RNF125: variants seen among roughly 807,000 people sequenced by gnomAD.
RNF125 encodes the protein ring finger protein 125.
In RNF125, 21 loss-of-function variants were observed where a neutral mutation model predicts 26.0. The ratio of observed to expected loss-of-function variants is 0.81; its 90% confidence interval spans 0.57 to 1.16. The LOEUF (loss-of-function observed/expected upper bound fraction) is 1.16, where lower values mean the gene tolerates loss of function less well. Among genes scored for constraint, RNF125 ranks in the 50% most tolerant of loss-of-function variants. The pLI, the probability that RNF125 is intolerant of heterozygous loss-of-function variation, is 0.00. For missense variants in RNF125, 270 were observed against 299.4 expected (o/e 0.90, Z 0.72); for synonymous variants, 95 against 109.2 (o/e 0.87, Z 0.81).
At position 32,045,673 on chromosome 18, in the gene RNF125, T is replaced by C. The variant is rs145377749; in HGVS notation, c.445T>C (p.Tyr149His). ...CVCPFCQREL[Y>H]EDSLLDHCIT... ...ATGTCCCTTTTGTCAGAGGGAACTG[T>C]ATGAAGACAGCTTGCTGGATCATTG... Residue 149 changes from tyrosine (Y) to histidine (H), a missense_variant, in exon 4 of 6, where the codon TAT (tyrosine) becomes CAT (histidine). Physicochemically the swap from Tyr to His is moderately conservative, Grantham distance 83. Transcript: ENST00000217740. The C allele has an allele frequency of 6.2e-7, 1 of 1,612,496 alleles. No homozygotes were observed. The highest frequency in any genetic ancestry group is 8.5e-7 in the Non-Finnish European group (1 of 1,179,462).
At chr18:32,086,196 A>G in the RNF125 span, among the ~76,000 whole-genome samples, 1 of 150,458 alleles carries the variant, frequency 6.6e-6, no homozygotes, top group Admixed American at 6.6e-5. Flanking sequence ...ACAAAGAAAC[A>G]TCTAGATGGG....
intron 1 of RNF125, among the ~76,000 whole-genome samples, chr18:32,034,881 A>G (rs2039136850): frequency 6.8e-6 from 1 of 146,912 alleles, no homozygotes; most frequent in Admixed American, 6.9e-5. Flanking sequence ...TACCTGGGCA[A>G]CAGAGCGAAA....
intron 4 of RNF125, among the ~76,000 whole-genome samples, chr18:32,062,092 A>G (rs1286772517): frequency 6.6e-6 from 1 of 152,236 alleles, no homozygotes; most frequent in African/African-American, 2.4e-5. Flanking sequence ...TGAAGACATT[A>G]TCTGTAAATA....
chr18:32,060,241 C>T (rs2039422188), intron 4 of RNF125, among the ~76,000 whole-genome samples: 1 of 152,164 alleles, frequency 6.6e-6, no homozygotes, highest in African/African-American at 2.4e-5. Context: ...TTCTAAGCTG[C>T]CAGGTCACAA....
chr18:32,019,081 G>A, intron 1 of RNF125, 54 bp downstream of exon 1: 1 of 1,587,168 alleles, frequency 6.3e-7, no homozygotes, highest in African/African-American at 1.4e-5. Context: ...GCGATGTGGG[G>A]AAGCTGAGGG....
At chr18:32,021,427 C>T (rs771284666) in intron 1 of RNF125, among the ~76,000 whole-genome samples, 5 of 152,086 alleles carry the variant, frequency 3.3e-5, no homozygotes, top group Middle Eastern at 3.2e-3. Context: ...TCTTAAAACT[C>T]GAGGCTTAAA....
chr18:32,027,149 T>TAAGA (rs2039044519), intron 1 of RNF125, among the ~76,000 whole-genome samples: 1 of 152,216 alleles, frequency 6.6e-6, no homozygotes, highest in African/African-American at 2.4e-5. Flanking sequence ...CCTGGGGTCT[T>TAAGA]GTTCCCTGAA....
chr18:32,089,206 C>G, the RNF125 span, among the ~76,000 whole-genome samples: 6 of 152,156 alleles, frequency 3.9e-5, no homozygotes, highest in African/African-American at 1.4e-4. Flanking sequence ...CAAGAGAACA[C>G]CCAGGACACA....
At chr18:32,054,363 G>A (rs2039359812) in intron 4 of RNF125, among the ~76,000 whole-genome samples, 1 of 152,118 alleles carries the variant, frequency 6.6e-6, no homozygotes, top group African/African-American at 2.4e-5. Flanking sequence ...AAAGTGCCGC[G>A]ATTACCGGCA....
Position 32,071,326 on chromosome 18 carries a change from G to T in RNF125, c.*2942G>T, listed in dbSNP as rs1483458456. ...ATTGTTGTATTTTTAGTAGAGATGGGTTTTGCCATGTTGGCCAGGCTGGTT... is the reference window on the plus strand; with the variant it reads ...ATTGTTGTATTTTTAGTAGAGATGGTTTTTGCCATGTTGGCCAGGCTGGTT... On this transcript the variant is annotated 3_prime_UTR_variant, in exon 6 of 6. Transcript: ENST00000217740. The T allele has an allele frequency of 6.6e-6, 1 of 152,014 alleles. No homozygotes were observed. The highest frequency in any genetic ancestry group is 1.5e-5 in the Non-Finnish European group (1 of 68,104). 9.4% of individuals were successfully genotyped at this position (152,014 alleles called of 1,614,324 possible).
intron 3 of RNF125, among the ~76,000 whole-genome samples, chr18:32,042,600 C>T (rs919881825): frequency 7.2e-5 from 11 of 152,058 alleles, no homozygotes; most frequent in South Asian, 4.1e-4. Context: ...TAATAGATTC[C>T]TGAAGTAGAT....
Position 32,068,590 on chromosome 18 carries a change from C to A in RNF125, c.*206C>A. On this transcript the variant is annotated 3_prime_UTR_variant, in exon 6 of 6. Transcript: ENST00000217740. ...GTTTTACATCCTTGAGATTCTTACA[C>A]ATCTAACAACAAAAAAAATTATCTA... The A allele has an allele frequency of 2.3e-6, 1 of 441,320 alleles. No individual in the cohort carries two copies. Among genetic ancestry groups the A allele is most frequent in the Non-Finnish European group, 4.1e-6 (1 of 244,868 alleles). 27.3% of individuals were successfully genotyped at this position (441,320 alleles called of 1,614,324 possible). A position where few individuals can be genotyped will look rare whatever the true frequency, so the allele number is the denominator to read the frequency against.
At position 32,070,603 on chromosome 18, in the gene RNF125, C is replaced by T. The variant is rs2039525327; in HGVS notation, c.*2219C>T. The T allele has an allele frequency of 1.3e-5, 2 of 152,198 alleles. No homozygotes were observed. The highest frequency in any genetic ancestry group is 4.8e-5 in the African/African-American group (2 of 41,434). 9.4% of individuals were successfully genotyped at this position (152,198 alleles called of 1,614,324 possible). On this transcript the variant is annotated 3_prime_UTR_variant, in exon 6 of 6. Coordinates refer to ENST00000217740, the MANE Select transcript of RNF125 (RefSeq NM_017831.4). ...TTACTCATTTCTTTTATTTATCTTA[C>T]ACTTACAGCTGTCTCAGAATAACAA...
At chr18:32,067,249 T>C (rs1011102927) in intron 5 of RNF125, among the ~76,000 whole-genome samples, 3 of 152,200 alleles carry the variant, frequency 2.0e-5, no homozygotes, top group African/African-American at 7.2e-5. Context: ...CGAGACTCCG[T>C]CTCAAGAGGT....
intron 2 of RNF125, among the ~76,000 whole-genome samples, chr18:32,037,958 T>G (rs928281552): frequency 1.1e-4 from 17 of 152,034 alleles, no homozygotes; most frequent in Admixed American, 1.1e-3. Flanking sequence ...GACAACCGGC[T>G]TGGGTCCCCT....
intron 4 of RNF125, among the ~76,000 whole-genome samples, chr18:32,050,602 G>T (rs2039314200): frequency 6.6e-6 from 1 of 151,912 alleles, no homozygotes; most frequent in South Asian, 2.1e-4. Context: ...GCTTCTGAAA[G>T]CATTGAGTTT....
At chr18:32,066,064 AC>A (rs1353403040) in intron 5 of RNF125, 55 bp downstream of exon 5, 4 of 1,141,854 alleles carry the variant, frequency 3.5e-6, no homozygotes, top group Non-Finnish European at 5.3e-6. Context: ...TGTTAAGCTT[AC>A]CTTTCCGATC....
chr18:32,027,363 A>G (rs575457361), intron 1 of RNF125, among the ~76,000 whole-genome samples: 183 of 152,020 alleles, frequency 1.2e-3, no homozygotes, highest in African/African-American at 4.1e-3. Context: ...CTAAACCTGT[A>G]TTCCTTTTGT....
At chr18:32,038,290 T>TCTGC (rs545734350) in intron 2 of RNF125, among the ~76,000 whole-genome samples, 1 of 152,136 alleles carries the variant, frequency 6.6e-6, no homozygotes, top group Non-Finnish European at 1.5e-5. Context: ...CTTCAAGTGA[T>TCTGC]CTGCCCACCT....
Sources: gnomAD v4.1 joint callset for allele counts (sites outside exome capture counted in the v4.1 genomes callset) on GRCh38, gnomAD v4.1.1 for gene constraint, MANE v1.5 for transcripts, NCBI Gene and HGNC (gene_info 2026-07-23, HGNC 2026-07-21) for gene names.